The following LGR6 variants were observed in gnomAD, a reference collection of about 807,000 sequenced individuals.
LGR6 encodes the protein leucine rich repeat containing G protein-coupled receptor 6.
LGR6 carries 45 observed loss-of-function variants against 69.4 expected under a neutral mutation model. That is an observed-to-expected ratio of 0.65 (90% CI 0.51 to 0.83). The LOEUF is 0.83. Among genes scored for constraint, LGR6 ranks in the 40% least tolerant of loss-of-function variants. The pLI is 0.00. For synonymous variants in LGR6, 538 were observed against 555.0 expected, an observed-to-expected ratio of 0.97 and a Z score of 0.43; for missense variants, 1,108 against 1,246.7, an observed-to-expected ratio of 0.89 and a Z score of 1.68.
intron 1 of LGR6, chr1:202,214,291 G>T (rs1323508940): frequency 2.0e-6 from 3 of 1,468,978 alleles, no homozygotes; most frequent in African/African-American, 3.0e-5. Flanking sequence ...GTCCTCCGCA[G>T]CCCTGGGGAG....
In LGR6 at chr1:202,307,436, G is replaced by A. The variant is rs550218229; in HGVS notation, c.1280+35G>A. The A allele has an allele frequency of 4.4e-6, 7 of 1,598,996 alleles. No homozygotes were observed. The East Asian group carries it at 1.6e-4, about 36-fold the overall frequency. On this transcript the variant is annotated intron_variant, in intron 14 of 17. Coordinates refer to ENST00000367278, the MANE Select transcript of LGR6 (RefSeq NM_001017403.2). ...TGCTGCATTCTCCTCCAGGATGCTG[G>A]GGGCCAGTCGGGACTATGGGCTGGC...
At chr1:202,243,730 C>G (rs954816935) in intron 4 of LGR6, among the ~76,000 whole-genome samples, 6 of 152,066 alleles carry the variant, frequency 3.9e-5, no homozygotes, top group Non-Finnish European at 7.4e-5. Flanking sequence ...AGCAAATCTT[C>G]AAGAGGGCCC....
At chr1:202,261,477 C>T (rs1236815785) in intron 4 of LGR6, among the ~76,000 whole-genome samples, 1 of 152,120 alleles carries the variant, frequency 6.6e-6, no homozygotes, top group South Asian at 2.1e-4. Context: ...TTAATCCAGT[C>T]TATCATTGTT....
intron 1 of LGR6, chr1:202,214,067 G>T (rs1284564072): frequency 2.2e-6 from 3 of 1,358,770 alleles, no homozygotes; most frequent in African/African-American, 1.5e-5. Flanking sequence ...AAGGGCATAC[G>T]AGAGAAGCGG....
intron 1 of LGR6, among the ~76,000 whole-genome samples, chr1:202,208,642 C>T (rs1003240371): frequency 6.6e-5 from 10 of 152,054 alleles, no homozygotes; most frequent in South Asian, 2.1e-4. Flanking sequence ...CCCCGCCAGC[C>T]GACGCCACGC....
chr1:202,199,831 T>G (rs902770734), intron 1 of LGR6, among the ~76,000 whole-genome samples: 2 of 152,222 alleles, frequency 1.3e-5, no homozygotes, highest in Non-Finnish European at 2.9e-5. Context: ...ACTAATAGTA[T>G]CTACCTCAAA....
intron 14 of LGR6, among the ~76,000 whole-genome samples, chr1:202,308,260 G>A (rs1434740376): frequency 1.3e-5 from 2 of 152,144 alleles, no homozygotes; most frequent in African/African-American, 2.4e-5. Context: ...TCTCACCTCC[G>A]TCTTCCCTCT....
At chr1:202,218,446 G>C (rs898522849) in intron 1 of LGR6, among the ~76,000 whole-genome samples, 1 of 152,124 alleles carries the variant, frequency 6.6e-6, no homozygotes, top group Non-Finnish European at 1.5e-5. Flanking sequence ...CCCTAGGTGT[G>C]TGCCACCGGG....
At chr1:202,256,662 A>G (rs1663800982) in intron 4 of LGR6, among the ~76,000 whole-genome samples, 1 of 152,228 alleles carries the variant, frequency 6.6e-6, no homozygotes. Flanking sequence ...ATTATGAATA[A>G]TGCTGCTAAA....
chr1:202,205,854 A>ACC (rs1407343654), intron 1 of LGR6, among the ~76,000 whole-genome samples: 1 of 144,450 alleles, frequency 6.9e-6, no homozygotes, highest in East Asian at 2.1e-4. Context: ...CTTCAAACAC[A>ACC]CACCTCCTTC....
At chr1:202,196,532 G>A (rs532346882) in intron 1 of LGR6, among the ~76,000 whole-genome samples, 1 of 152,300 alleles carries the variant, frequency 6.6e-6, no homozygotes, top group East Asian at 1.9e-4. Flanking sequence ...TCAAACTTTG[G>A]TTCCTTCCTA....
chr1:202,308,160 CAGG>C (rs1269201200), intron 14 of LGR6, among the ~76,000 whole-genome samples: 10 of 152,206 alleles, frequency 6.6e-5, no homozygotes, highest in Non-Finnish European at 1.5e-4. Flanking sequence ...CTCCAAGGCC[CAGG>C]AGGAGAAGTT....
rs1558092707 is a variant in LGR6, at chr1:202,318,436, C to CG, written c.2137dup (p.Ala713GlyfsTer12). 6.2e-7 allele frequency: 1 copy of CG among 1,611,112 alleles called. No individual in the cohort carries two copies. The highest frequency in any genetic ancestry group is 8.5e-7 in the Non-Finnish European group (1 of 1,178,946). ...TGCCCCTGGCCTCAGTGGGAGAATACGGGGCCTCCCCACTCTGCCTGCCCT... is the reference window on the plus strand; with the variant it reads ...TGCCCCTGGCCTCAGTGGGAGAATACGGGGGCCTCCCCACTCTGCCTGCCCT... On this transcript the variant is annotated frameshift_variant, in exon 18 of 18. Coordinates refer to ENST00000367278, the MANE Select transcript of LGR6 (RefSeq NM_001017403.2). LOFTEE classifies it low-confidence loss of function (END_TRUNC).
chr1:202,224,376 T>C (rs532223978), intron 1 of LGR6, among the ~76,000 whole-genome samples: 6 of 152,236 alleles, frequency 3.9e-5, no homozygotes, highest in Admixed American at 3.9e-4. Context: ...CTTAAGATGA[T>C]TGAGGCTGTG....
chr1:202,194,089 G>C lies in LGR6; in HGVS notation c.100G>C (p.Ala34Pro). 1.3e-6 allele frequency: 2 copies of C among 1,517,248 alleles called. No individual in the cohort carries two copies. The highest frequency in any genetic ancestry group is 1.8e-6 in the Non-Finnish European group (2 of 1,141,256). 94.0% of individuals were successfully genotyped at this position (1,517,248 alleles called of 1,614,324 possible). Reference sequence around the variant, plus strand: ...CCCCCAGCCCGGCCCGGGGCCCACCGCCTGCCCGGCCCCCTGCCACTGCCA... The same window carrying C: ...CCCCCAGCCCGGCCCGGGGCCCACCCCCTGCCCGGCCCCCTGCCACTGCCA... ...GAPQPGPGPT[A>P]CPAPCHCQED... Residue 34 changes from alanine to proline, a missense_variant, in exon 1 of 18, where the codon GCC (alanine) becomes CCC (proline). Ala to Pro is a conservative substitution (Grantham distance 27). Transcript: ENST00000367278.
At chr1:202,220,388 T>C (rs1660068725) in intron 1 of LGR6, among the ~76,000 whole-genome samples, 1 of 151,404 alleles carries the variant, frequency 6.6e-6, no homozygotes, top group Non-Finnish European at 1.5e-5. Context: ...CCGGCTAATT[T>C]TTGTATTTTT....
chr1:202,275,104 A>G (rs1290235674), intron 4 of LGR6, among the ~76,000 whole-genome samples: 1 of 152,228 alleles, frequency 6.6e-6, no homozygotes, highest in East Asian at 1.9e-4. Flanking sequence ...ATATCACCCC[A>G]TCCCACCCTA....
chr1:202,251,725 C>T (rs1663262759), intron 4 of LGR6, among the ~76,000 whole-genome samples: 1 of 152,214 alleles, frequency 6.6e-6, no homozygotes, highest in African/African-American at 2.4e-5. Context: ...CCTCCCCTGG[C>T]CCCCACTAGC....
chr1:202,204,457 A>T (rs1658978162), intron 1 of LGR6, among the ~76,000 whole-genome samples: 1 of 81,880 alleles, frequency 1.2e-5, no homozygotes, highest in Admixed American at 1.3e-4. Context: ...CCACACACAC[A>T]CACCTCCACA....
Sources: allele counts gnomAD v4.1 joint callset (sites outside exome capture counted in the v4.1 genomes callset), GRCh38; gene constraint gnomAD v4.1.1; transcripts MANE v1.5; gene names NCBI Gene and HGNC (gene_info 2026-07-23, HGNC 2026-07-21).